The following KCP variants were observed in gnomAD, a reference collection of about 807,000 sequenced individuals.
The protein encoded by KCP is kielin cysteine rich BMP regulator.
KCP carries 194 observed loss-of-function variants against 212.7 expected under a neutral mutation model. That is an observed-to-expected ratio of 0.91 (90% CI 0.81 to 1.03). The LOEUF is 1.03. Among genes scored for constraint, KCP ranks in the 50% least tolerant of loss-of-function variants. The pLI is 0.00. For missense variants in KCP, 2,080 were observed against 2,162.5 expected (o/e 0.96, Z 0.76); for synonymous variants, 833 against 865.3 (o/e 0.96, Z 0.65).
intron 5 of KCP, 45 bp from the exon 6 acceptor site, chr7:128,904,183 G>A (rs1434624661): frequency 1.1e-5 from 17 of 1,533,078 alleles, no homozygotes; most frequent in Non-Finnish European, 1.5e-5. Context: ...AGGCAGCAGG[G>A]TGGGTGGACA....
intron 5 of KCP, among the ~76,000 whole-genome samples, 185 bp downstream of exon 5, chr7:128,906,094 G>A (rs1204900907): frequency 6.6e-6 from 1 of 152,202 alleles, no homozygotes; most frequent in African/African-American, 2.4e-5. Flanking sequence ...TATGGTCTCT[G>A]GCTCAGTCCC....
At chr7:128,883,934 G>A (rs1256199738) in intron 29 of KCP, 68 bp downstream of exon 29, 88 of 1,497,052 alleles carry the variant, frequency 5.9e-5, no homozygotes, top group Non-Finnish European at 6.0e-5. Flanking sequence ...TGGGACTGGT[G>A]AGGAAGGGCG....
Position 128,877,072 on chromosome 7 carries a change from G to C in KCP, c.4858C>G (p.Pro1620Ala). Residue 1620 changes from proline to alanine, a missense_variant, in exon 40 of 40, where the codon CCC (proline) becomes GCC (alanine). Pro to Ala is a conservative substitution (Grantham distance 27). Coordinates refer to ENST00000610776, the MANE Select transcript of KCP (RefSeq NM_001366122.1). Reference protein sequence around the residue: ...GDQPLGARPSPSREPQETP With the variant: ...GDQPLGARPSASREPQETP ...GGTGTCTCCTGGGGCTCCCGGCTGG[G>C]GCTGGGCCGAGCACCAAGTGGCTGG... 1 of 1,523,580 alleles carries C rather than the reference G, an allele frequency of 6.6e-7. No homozygotes were observed. Among genetic ancestry groups the C allele is most frequent in the South Asian group, 1.3e-5 (1 of 79,576 alleles). 94.4% of individuals were successfully genotyped at this position (1,523,580 alleles called of 1,614,324 possible).
At chr7:128,908,093 C>T (rs536861986) in intron 2 of KCP, among the ~76,000 whole-genome samples, 3 of 141,548 alleles carry the variant, frequency 2.1e-5, no homozygotes, top group Admixed American at 7.2e-5. Flanking sequence ...TGTGCCACTG[C>T]ACTCCAGCCT....
At chr7:128,903,250 T>G (rs1794953309) in intron 7 of KCP, 1 of 267,282 alleles carries the variant, frequency 3.7e-6, no homozygotes, top group African/African-American at 2.2e-5. Context: ...CCAAGCTAAC[T>G]TTTCTTTATC....
chr7:128,886,549 C>G lies in KCP; in HGVS notation c.2781G>C (p.Gln927His), dbSNP rs760502771. The change falls in exon 26 of 40, where the codon CAG (glutamine) becomes CAC (histidine). Residue 927 changes from glutamine (Q) to histidine (H), a missense_variant. Physicochemically the swap from Gln to His is conservative, Grantham distance 24. Coordinates refer to ENST00000610776, the MANE Select transcript of KCP (RefSeq NM_001366122.1). ...SCEWCRCQAGQVSCVRLQCPP... is the reference protein window; with the variant it reads ...SCEWCRCQAGHVSCVRLQCPP... ...GGCACTGCAGCCGCACACAGCTGACCTGGCCAGCCTGTAGGAGATGCAGGG... is the reference window on the plus strand; with the variant it reads ...GGCACTGCAGCCGCACACAGCTGACGTGGCCAGCCTGTAGGAGATGCAGGG... 1.9e-6 allele frequency: 3 copies of G among 1,551,120 alleles called. No individual in the cohort carries two copies. In the South Asian group the frequency reaches 3.6e-5, roughly 18 times the overall value.
At chr7:128,880,233 C>A (rs1793243384) in intron 34 of KCP, 148 bp from the exon 35 acceptor site, 1 of 1,286,394 alleles carries the variant, frequency 7.8e-7, no homozygotes, top group Non-Finnish European at 1.1e-6. Flanking sequence ...GGTCAGGGCA[C>A]CACATCGTGG....
At chr7:128,904,880 T>G (rs766799543) in intron 5 of KCP, among the ~76,000 whole-genome samples, 5 of 152,242 alleles carry the variant, frequency 3.3e-5, no homozygotes, top group Non-Finnish European at 5.9e-5. Flanking sequence ...TCCATTATTT[T>G]ACAACAGATG....
rs1202619970 is a variant in KCP at position 128,877,201 on chromosome 7, C to T, written c.4729G>A (p.Val1577Met). ...IPLGELAAHC[V>M]RPCVPGCQCP... ...TGGCAGCCGGGCACGCAGGGCCTCA[C>T]GCAGTGGGCTGCCAGCTCCCCCAGG... The change falls in exon 40 of 40, where the codon GTG becomes ATG. Residue 1577 changes from valine (V) to methionine (M), a missense_variant. Physicochemically the swap from Val to Met is conservative, Grantham distance 21. Transcript: ENST00000610776. 25 of 1,483,200 alleles carry T rather than the reference C, an allele frequency of 1.7e-5. No individual in the cohort carries two copies. In the Admixed American group the frequency reaches 3.5e-4, roughly 21 times the overall value. The allele number at this position is 1,483,200 out of a possible 1,614,324, so 91.9% of individuals were successfully genotyped here.
At chr7:128,890,591 C>T (rs1427142704) in intron 20 of KCP, 78 bp from the exon 21 acceptor site, 2 of 675,750 alleles carry the variant, frequency 3.0e-6, no homozygotes, top group African/African-American at 2.7e-5. Context: ...GGTTGAGGGG[C>T]GTGGAGGACG....
chr7:128,886,485 T>A lies in KCP; in HGVS notation c.2845A>T (p.Ser949Cys), dbSNP rs1793652004. 2.6e-6 allele frequency: 4 copies of A among 1,549,476 alleles called. No homozygotes were observed. The African/African-American group carries it at 5.5e-5, about 21-fold the overall frequency. Residue 949 changes from serine (S) to cysteine (C), a missense_variant, in exon 26 of 40, where the codon AGC becomes TGC. By Grantham distance (112) the Ser-to-Cys change is moderately radical. Transcript: ENST00000610776. Reference protein sequence around the residue: ...PCKLQVTERGSCCPRCRGCLA... With the variant: ...PCKLQVTERGCCCPRCRGCLA... ...ATACCTCTGCAGCGAGGGCAGCAGC[T>A]CCCCCGCTCGGTGACCTGGAGCTTG...
intron 1 of KCP, 74 bp downstream of exon 1, chr7:128,910,527 C>A: frequency 7.4e-7 from 1 of 1,347,722 alleles, no homozygotes; most frequent in Non-Finnish European, 9.9e-7. Flanking sequence ...CCCCTCTCGG[C>A]CCCCTCAGGC....
At position 128,891,744 on chromosome 7, in the gene KCP, C is replaced by T. The variant is rs1585223363; in HGVS notation, c.1697G>A (p.Arg566Gln). ...GCAGTGGGCATGGCCTTCCTGGCAT[C>T]GGCACTCCTGGCAGGGGTCTCGGGG... ...SHPRDPCQECRCQEGHAHCQP... is the reference protein window; with the variant it reads ...SHPRDPCQECQCQEGHAHCQP... The change falls in exon 17 of 40, where the codon CGA (arginine) becomes CAA (glutamine). Residue 566 changes from arginine to glutamine, a missense_variant. Transcript: ENST00000610776. The T allele has an allele frequency of 6.2e-6, 9 of 1,447,000 alleles. No homozygotes were observed. The highest frequency in any genetic ancestry group is 3.0e-5 in the South Asian group (2 of 67,776). 89.6% of individuals were successfully genotyped at this position (1,447,000 alleles called of 1,614,324 possible). A position where few individuals can be genotyped will look rare whatever the true frequency, so the allele number is the denominator to read the frequency against.
At position 128,880,498 on chromosome 7, in the gene KCP, C is replaced by A. The variant is rs943515731; in HGVS notation, c.3647G>T (p.Arg1216Leu). ...APTQSCVHQGREVASGERWTV... is the reference protein window; with the variant it reads ...APTQSCVHQGLEVASGERWTV... ...CCAGCGCTCTCCAGAGGCCACCTCA[C>A]GGCCCTGGTGCACGCAGGACTGGGT... Residue 1216 changes from arginine (R) to leucine (L), a missense_variant, in exon 34 of 40, where the codon CGT becomes CTT. Physicochemically the swap from Arg to Leu is moderately radical, Grantham distance 102 (BLOSUM62 -2). Coordinates refer to ENST00000610776, the MANE Select transcript of KCP (RefSeq NM_001366122.1). The A allele has an allele frequency of 1.3e-6, 2 of 1,527,024 alleles. No individual in the cohort carries two copies. Among genetic ancestry groups the A allele is most frequent in the Admixed American group, 2.0e-5 (1 of 49,576 alleles). The allele number at this position is 1,527,024 out of a possible 1,614,324, so 94.6% of individuals were successfully genotyped here. A position where few individuals can be genotyped will look rare whatever the true frequency, so the allele number is the denominator to read the frequency against.
intron 38 of KCP, among the ~76,000 whole-genome samples, chr7:128,878,120 G>A (rs1221639841): frequency 6.7e-6 from 1 of 149,288 alleles, no homozygotes; most frequent in East Asian, 2.0e-4. Context: ...GCAGTGGCAC[G>A]ATCTCAGCTC....
Position 128,892,582 on chromosome 7 carries a change from A to G in KCP, c.1553T>C (p.Val518Ala). The G allele has an allele frequency of 6.4e-7, 1 of 1,550,712 alleles. No individual in the cohort carries two copies. Among genetic ancestry groups the G allele is most frequent in the South Asian group, 1.2e-5 (1 of 83,958 alleles). Residue 518 changes from valine (V) to alanine (A), a missense_variant, in exon 16 of 40, where the codon GTT becomes GCT. Val to Ala is a moderately conservative substitution (Grantham distance 64). Transcript: ENST00000610776. Reference protein sequence around the residue: ...CQDGTVTCSLVDCPPTTCARP... With the variant: ...CQDGTVTCSLADCPPTTCARP... Reference sequence around the variant, plus strand: ...GGCACAGGTCGTGGGAGGGCAGTCAACCAAGGAGCATGTCACAGTTCCATC... The same window carrying G: ...GGCACAGGTCGTGGGAGGGCAGTCAGCCAAGGAGCATGTCACAGTTCCATC...
chr7:128,880,026 A>AG lies in KCP; in HGVS notation c.3818dup (p.Ser1274PhefsTer44). 1 of 1,549,474 alleles carries AG rather than the reference A, an allele frequency of 6.5e-7. No individual in the cohort carries two copies. Among genetic ancestry groups the AG allele is most frequent in the Non-Finnish European group, 8.7e-7 (1 of 1,146,800 alleles). Reference sequence around the variant, plus strand: ...GGGGGTCTCCGAAGGCCATGCAGGAAGCGGGCCGAGGCAGGCAGCGGGGGC... The same window carrying AG: ...GGGGGTCTCCGAAGGCCATGCAGGAAGGCGGGCCGAGGCAGGCAGCGGGGGC... On this transcript the variant is annotated frameshift_variant, in exon 35 of 40. Transcript: ENST00000610776. LOFTEE classifies it high-confidence loss of function.
chr7:128,890,527 C>T lies in KCP; in HGVS notation c.2165-14G>A. The T allele has an allele frequency of 6.5e-7, 1 of 1,541,606 alleles. No individual in the cohort carries two copies. The highest frequency in any genetic ancestry group is 8.7e-7 in the Non-Finnish European group (1 of 1,143,862). Reference sequence around the variant, plus strand: ...GGTACAGGCAGCCTGGGGAGAAGGGCAGGGGCTGGGGGGCCGTGGGGACTA... The same window carrying T: ...GGTACAGGCAGCCTGGGGAGAAGGGTAGGGGCTGGGGGGCCGTGGGGACTA... On this transcript the variant is annotated splice_polypyrimidine_tract_variant and intron_variant, in intron 20 of 39. Coordinates refer to ENST00000610776, the MANE Select transcript of KCP (RefSeq NM_001366122.1).
At position 128,907,268 on chromosome 7, in the gene KCP, G is replaced by A; in HGVS notation, c.405C>T (p.Cys135=). ...GGCGGATAGGGTGGCACTTACCCCT[G>A]CAATGGGGCAGGTGTGCTTGGGGGC... ...HCGPQAHLPH[C]RGCSQNGQTY... The change falls in exon 3 of 40, where the codon TGC becomes TGT. Residue 135 remains cysteine, a synonymous_variant. Transcript: ENST00000610776. 1 of 1,533,476 alleles carries A rather than the reference G, an allele frequency of 6.5e-7. No homozygotes were observed. The highest frequency in any genetic ancestry group is 8.8e-7 in the Non-Finnish European group (1 of 1,132,662). The allele number at this position is 1,533,476 out of a possible 1,614,324, so 95.0% of individuals were successfully genotyped here.
Sources: gnomAD v4.1 joint callset for allele counts (sites outside exome capture counted in the v4.1 genomes callset) on GRCh38, gnomAD v4.1.1 for gene constraint, MANE v1.5 for transcripts, NCBI Gene and HGNC (gene_info 2026-07-23, HGNC 2026-07-21) for gene names.